Variants in SCN7A observed in about 807,000 individuals in gnomAD.
SCN7A encodes the protein sodium voltage-gated channel alpha subunit 7.
A neutral mutation model predicts 155.2 loss-of-function variants in SCN7A; 138 were observed. The observed-to-expected ratio is 0.89, with a 90% CI of 0.77 to 1.02. The LOEUF (loss-of-function observed/expected upper bound fraction) is 1.02. Ranked by LOEUF, SCN7A falls within the 50% of genes least tolerant of loss-of-function variation. The pLI is 0.00. For missense variants in SCN7A, 2,058 were observed against 1,986.6 expected (o/e 1.04, Z -0.68); for synonymous variants, 693 against 649.0 (o/e 1.07, Z -1.03).
In SCN7A at chr2:166,462,555, T is replaced by C. The variant is rs552674330; in HGVS notation, c.942-25A>G. The C allele has an allele frequency of 3.2e-5, 52 of 1,608,894 alleles. No homozygotes were observed. The African/African-American group carries it at 6.6e-4, about 20-fold the overall frequency. On this transcript the variant is annotated intron_variant, in intron 9 of 25. Transcript: ENST00000643258. ...ACTAAAGAAGACAAAGAAAAAAACC[T>C]GCTTACTATTAGGTGACTATCAGAT...
intron 2 of SCN7A, among the ~76,000 whole-genome samples, chr2:166,482,593 T>G (rs1237343593): frequency 6.6e-6 from 1 of 151,910 alleles, no homozygotes; most frequent in Non-Finnish European, 1.5e-5. Context: ...ACCACAGCAC[T>G]GGTTTCATCA....
At chr2:166,474,053 T>C (rs542422069) in intron 4 of SCN7A, among the ~76,000 whole-genome samples, 165 bp from the exon 5 acceptor site, 1 of 150,772 alleles carries the variant, frequency 6.6e-6, no homozygotes, top group African/African-American at 2.4e-5. Flanking sequence ...AAATATACTT[T>C]ATATGTATTT....
intron 3 of SCN7A, 132 bp downstream of exon 3, chr2:166,477,331 T>G: frequency 1.4e-6 from 1 of 692,908 alleles, no homozygotes. Context: ...TCTTATGTCG[T>G]TCTGTAAAAT....
intron 21 of SCN7A, among the ~76,000 whole-genome samples, chr2:166,415,019 T>C (rs1337933180): frequency 1.5e-5 from 2 of 135,394 alleles, no homozygotes; most frequent in Non-Finnish European, 3.1e-5. Flanking sequence ...TATATTATTA[T>C]ATAGGATAAT....
At chr2:166,484,940 A>G (rs141881385) in intron 2 of SCN7A, among the ~76,000 whole-genome samples, 6 of 152,240 alleles carry the variant, frequency 3.9e-5, no homozygotes, top group Non-Finnish European at 5.9e-5. Context: ...TAATAAATAT[A>G]TGGGAATATA....
intron 2 of SCN7A, among the ~76,000 whole-genome samples, chr2:166,478,253 A>G (rs1382453502): frequency 6.6e-6 from 1 of 151,260 alleles, no homozygotes; most frequent in African/African-American, 2.4e-5. Flanking sequence ...TACATATGTA[A>G]CAAACCTACA....
At chr2:166,462,576 C>T in intron 9 of SCN7A, 46 bp from the exon 10 acceptor site, 8 of 1,572,884 alleles carry the variant, frequency 5.1e-6, no homozygotes, top group Non-Finnish European at 7.0e-6. Flanking sequence ...AGGTGACTAT[C>T]AGATTATGGT....
At chr2:166,428,970 T>C (rs115459847) in intron 17 of SCN7A, among the ~76,000 whole-genome samples, 199 bp downstream of exon 17, 5 of 152,002 alleles carry the variant, frequency 3.3e-5, no homozygotes, top group Admixed American at 3.3e-4. Flanking sequence ...GGGCCAATAT[T>C]TAAGTTACTC....
chr2:166,466,758 A>G (rs1267874145), intron 7 of SCN7A, among the ~76,000 whole-genome samples: 7 of 152,036 alleles, frequency 4.6e-5, no homozygotes, highest in Admixed American at 4.6e-4. Context: ...TGCTCAAAAC[A>G]ATAATGAATG....
chr2:166,445,749 C>T (rs34024014), intron 12 of SCN7A, among the ~76,000 whole-genome samples: 6,382 of 151,958 alleles, frequency 0.042, 179 homozygotes, highest in Middle Eastern at 0.12. Flanking sequence ...TGACGTGCTG[C>T]TGGATTCGAC....
chr2:166,415,310 C>T lies in SCN7A; in HGVS notation c.3414+1397G>A, dbSNP rs559709629. Reference sequence around the variant, plus strand: ...AATGATCTCGGCTCACTGCAACCTCCGCCTCCTAGGTTCAAGGGATTCTCC... The same window carrying T: ...AATGATCTCGGCTCACTGCAACCTCTGCCTCCTAGGTTCAAGGGATTCTCC... On this transcript the variant is annotated intron_variant, in intron 21 of 25. Coordinates refer to ENST00000643258, the MANE Select transcript of SCN7A (RefSeq NM_002976.4). Among the ~76,000 whole-genome samples the T allele has an allele frequency of 1.5e-4, 23 of 151,096 alleles. No individual in the cohort carries two copies. In the South Asian group the frequency reaches 1.7e-3, roughly 11 times the overall value.
In SCN7A at chr2:166,470,650, G is replaced by A; in HGVS notation, c.629C>T (p.Thr210Ile). Residue 210 changes from threonine to isoleucine, a missense_variant, in exon 7 of 26, where the codon ACT (threonine) becomes ATT (isoleucine). Physicochemically the swap from Thr to Ile is moderately conservative, Grantham distance 89. Transcript: ENST00000643258. ...DFIPTLQTARTLRILKIIPLN... is the reference protein window; with the variant it reads ...DFIPTLQTARILRILKIIPLN... ...AGGAATAATTTTTAAAATTCTCAAA[G>A]TTCTTGCAGTTTGAAGCGTTGGAAT... The A allele has an allele frequency of 6.2e-7, 1 of 1,608,698 alleles. No homozygotes were observed.
At chr2:166,415,221 CTCT>C (rs1179616369) in intron 21 of SCN7A, among the ~76,000 whole-genome samples, 1 of 141,314 alleles carries the variant, frequency 7.1e-6, no homozygotes, top group African/African-American at 2.6e-5. Context: ...TAACTTTTGT[CTCT>C]TTTTTTTTTT....
Position 166,416,854 on chromosome 2 carries a change from G to A in SCN7A, c.3267C>T (p.Asp1089=), listed in dbSNP as rs1701388970. 1 of 1,613,454 alleles carries A rather than the reference G, an allele frequency of 6.2e-7. No individual in the cohort carries two copies. Among genetic ancestry groups the A allele is most frequent in the African/African-American group, 1.3e-5 (1 of 74,856 alleles). The change falls in exon 21 of 26, where the codon GAC becomes GAT. Residue 1089 remains aspartate, a synonymous_variant. Coordinates refer to ENST00000643258, the MANE Select transcript of SCN7A (RefSeq NM_002976.4). ...LFAGRFYECI[D]PTSGERFPSS... is the part of the protein sequence containing the mutation. Reference sequence around the variant, plus strand: ...AAGGAAACCTTTCTCCACTTGTTGGGTCAATGCATTCATAGAATCTGCCAG... The same window carrying A: ...AAGGAAACCTTTCTCCACTTGTTGGATCAATGCATTCATAGAATCTGCCAG...
intron 9 of SCN7A, among the ~76,000 whole-genome samples, chr2:166,464,151 TATATATACAC>T (rs1702474930): frequency 2.1e-5 from 3 of 142,122 alleles, no homozygotes; most frequent in East Asian, 2.6e-4. Flanking sequence ...TATATACACA[TATATATACAC>T]ATATGTGTGT....
rs1701082545 is a variant in SCN7A at position 166,406,617 on chromosome 2, A to G, written c.4012T>C (p.Tyr1338His). ...GLCLPMTVGSYLVPPSLVQLI... is the reference protein window; with the variant it reads ...GLCLPMTVGSHLVPPSLVQLI... ...TGCACAAGTGAAGGAGGCACAAGGT[A>G]GGATCCTACTGTCATAGGCAGACAT... Residue 1338 changes from tyrosine (Y) to histidine (H), a missense_variant, in exon 26 of 26, where the codon TAC becomes CAC. Coordinates refer to ENST00000643258, the MANE Select transcript of SCN7A (RefSeq NM_002976.4). 12 of 1,610,542 alleles carry G rather than the reference A, an allele frequency of 7.5e-6. No individual in the cohort carries two copies. The African/African-American group carries it at 1.5e-4, about 20-fold the overall frequency.
At position 166,404,194 on chromosome 2, in the gene SCN7A, T is replaced by C. The variant is rs570749469; in HGVS notation, c.*1386A>G. ...AATCTTTTAGGACTTAGCAGGCACA[T>C]TGAAATCAATCTTCATAAAGTTGGA... On this transcript the variant is annotated 3_prime_UTR_variant, in exon 26 of 26. Coordinates refer to ENST00000643258, the MANE Select transcript of SCN7A (RefSeq NM_002976.4). 1 of 152,062 alleles carries C rather than the reference T, an allele frequency of 6.6e-6. No individual in the cohort carries two copies. Among genetic ancestry groups the C allele is most frequent in the Admixed American group, 6.6e-5 (1 of 15,246 alleles). The allele number at this position is 152,062 out of a possible 1,614,324, so 9.4% of individuals were successfully genotyped here.
chr2:166,420,122 AT>A (rs1159544757), intron 20 of SCN7A, among the ~76,000 whole-genome samples: 7 of 151,974 alleles, frequency 4.6e-5, no homozygotes, highest in Admixed American at 2.0e-4. Context: ...TTCTGAAATT[AT>A]TTTTTTAAAT....
At chr2:166,428,994 C>T (rs1034431878) in intron 17 of SCN7A, among the ~76,000 whole-genome samples, 175 bp downstream of exon 17, 5 of 151,886 alleles carry the variant, frequency 3.3e-5, no homozygotes, top group African/African-American at 7.3e-5. Context: ...TAAAAATGGC[C>T]TATAACTGTC....
Sources: gnomAD v4.1 joint callset for allele counts (sites outside exome capture counted in the v4.1 genomes callset) on GRCh38, gnomAD v4.1.1 for gene constraint, MANE v1.5 for transcripts, NCBI Gene and HGNC (gene_info 2026-07-23, HGNC 2026-07-21) for gene names.